Variants in DYM observed in about 807,000 individuals in gnomAD.
DYM encodes dymeclin, also known as dyggve-Melchior-Clausen syndrome protein.
In DYM, 78 loss-of-function variants were observed where a neutral mutation model predicts 93.1. The observed-to-expected ratio is 0.84, with a 90% CI of 0.70 to 1.01. The LOEUF (loss-of-function observed/expected upper bound fraction) is 1.01. Among genes scored for constraint, DYM ranks in the 50% least tolerant of loss-of-function variants. The pLI is 0.00. For synonymous variants in DYM, 321 were observed against 319.7 expected (o/e 1.00, Z -0.04); for missense variants, 789 against 845.0 (o/e 0.93, Z 0.82).
At chr18:49,260,906 C>A (rs1200787940) in intron 11 of DYM, among the ~76,000 whole-genome samples, 1 of 151,352 alleles carries the variant, frequency 6.6e-6, no homozygotes, top group Non-Finnish European at 1.5e-5. Context: ...TTTAGCTGCC[C>A]CTCCTCAACA....
intron 15 of DYM, among the ~76,000 whole-genome samples, chr18:49,155,281 T>C (rs1424610708): frequency 6.6e-6 from 1 of 152,240 alleles, no homozygotes. Context: ...CTTTGTGCCA[T>C]AATGCTAGCC....
At chr18:49,337,773 G>A (rs1159472995) in intron 6 of DYM, among the ~76,000 whole-genome samples, 1 of 152,210 alleles carries the variant, frequency 6.6e-6, no homozygotes, top group African/African-American at 2.4e-5. Flanking sequence ...GGAACACAGA[G>A]ATAACAGCAA....
chr18:49,353,483 T>A (rs2147202017), intron 6 of DYM, among the ~76,000 whole-genome samples: 1 of 152,128 alleles, frequency 6.6e-6, no homozygotes, highest in South Asian at 2.1e-4. Flanking sequence ...GTAGTATCTT[T>A]AATTTACAAA....
intron 12 of DYM, among the ~76,000 whole-genome samples, chr18:49,257,562 G>A (rs901725664): frequency 2.6e-5 from 4 of 152,278 alleles, no homozygotes; most frequent in Non-Finnish European, 4.4e-5. Context: ...TGGGCTGGGA[G>A]TAGGGGCTCA....
intron 4 of DYM, 76 bp downstream of exon 4, chr18:49,379,589 C>G: frequency 8.3e-7 from 1 of 1,207,296 alleles, no homozygotes; most frequent in South Asian, 1.2e-5. Context: ...GACCACAGTC[C>G]ATTTCCATCA....
At chr18:49,117,837 C>G (rs1355645074) in intron 16 of DYM, among the ~76,000 whole-genome samples, 1 of 152,030 alleles carries the variant, frequency 6.6e-6, no homozygotes, top group Non-Finnish European at 1.5e-5. Context: ...TCTTTGTTTA[C>G]TACTTTGTGT....
At chr18:49,256,050 C>T (rs1184869434) in intron 13 of DYM, among the ~76,000 whole-genome samples, 1 of 144,202 alleles carries the variant, frequency 6.9e-6, no homozygotes, top group Admixed American at 7.1e-5. Context: ...CACCACGGCA[C>T]TCCATCCTGG....
intron 16 of DYM, among the ~76,000 whole-genome samples, chr18:49,106,031 G>C (rs1033378805): frequency 7.9e-5 from 12 of 152,148 alleles, no homozygotes; most frequent in South Asian, 2.1e-4. Context: ...CATTATTATT[G>C]TGTGGGAGTC....
intron 9 of DYM, among the ~76,000 whole-genome samples, chr18:49,285,566 A>G (rs1599124215): frequency 6.6e-6 from 1 of 152,258 alleles, no homozygotes; most frequent in Non-Finnish European, 1.5e-5. Flanking sequence ...AACTGACTAC[A>G]GCATTCAGTA....
intron 14 of DYM, among the ~76,000 whole-genome samples, chr18:49,182,930 C>T (rs553882033): frequency 6.6e-6 from 1 of 152,292 alleles, no homozygotes; most frequent in South Asian, 2.1e-4. Flanking sequence ...GTCTCTGTTA[C>T]TCTATCTTGG....
intron 6 of DYM, among the ~76,000 whole-genome samples, chr18:49,335,811 TC>T (rs935484270): frequency 2.2e-5 from 3 of 133,712 alleles, no homozygotes; most frequent in African/African-American, 7.8e-5. Flanking sequence ...ACGTTTTCTG[TC>T]TTTTTTTTTT....
intron 8 of DYM, among the ~76,000 whole-genome samples, chr18:49,324,353 T>A (rs767176211): frequency 6.6e-6 from 1 of 152,204 alleles, no homozygotes; most frequent in East Asian, 1.9e-4. Flanking sequence ...AATCTTTAAT[T>A]GGCAAATTTT....
At chr18:49,381,168 AT>A (rs1219591414) in intron 3 of DYM, among the ~76,000 whole-genome samples, 1 of 151,934 alleles carries the variant, frequency 6.6e-6, no homozygotes, top group East Asian at 1.9e-4. Context: ...AGCTAATTGT[AT>A]TTTTTGTAGA....
intron 1 of DYM, among the ~76,000 whole-genome samples, chr18:49,434,282 G>C (rs1343543653): frequency 6.6e-6 from 1 of 151,814 alleles, no homozygotes; most frequent in Non-Finnish European, 1.5e-5. Context: ...GGGAGGTGGA[G>C]GTTGCAGTGA....
At chr18:49,254,564 T>C (rs2145072604) in intron 13 of DYM, among the ~76,000 whole-genome samples, 1 of 151,990 alleles carries the variant, frequency 6.6e-6, no homozygotes, top group South Asian at 2.1e-4. Context: ...TCAAATATGA[T>C]TGGTTTATTT....
At position 49,276,100 on chromosome 18, in the gene DYM, TA is replaced by T. The variant is rs2094841119; in HGVS notation, c.1126-3798del. Among the ~76,000 whole-genome samples, 3 of 152,104 alleles carry T rather than the reference TA, an allele frequency of 2.0e-5. No homozygotes were observed. The East Asian group carries it at 5.8e-4, about 29-fold the overall frequency. On this transcript the variant is annotated intron_variant, in intron 10 of 17. Coordinates refer to ENST00000675505, the MANE Select transcript of DYM (RefSeq NM_001353214.3). ...CAAATGCCCAGGCTAGAATCTCCAG[TA>T]AAATGTTGAATGAAATGGCAAAAGC...
At chr18:49,407,027 C>T (rs1263602824) in intron 2 of DYM, among the ~76,000 whole-genome samples, 1 of 152,156 alleles carries the variant, frequency 6.6e-6, no homozygotes, top group Non-Finnish European at 1.5e-5. Flanking sequence ...AAGGAATGAA[C>T]AAGTGAGATC....
intron 17 of DYM, among the ~76,000 whole-genome samples, chr18:49,076,580 T>C (rs1304500110): frequency 1.3e-5 from 2 of 152,128 alleles, no homozygotes; most frequent in Non-Finnish European, 2.9e-5. Flanking sequence ...TGGGAAGAGG[T>C]GAATTGTACA....
intron 15 of DYM, among the ~76,000 whole-genome samples, chr18:49,133,976 A>C (rs1273360327): frequency 2.0e-5 from 3 of 152,236 alleles, no homozygotes; most frequent in Non-Finnish European, 2.9e-5. Flanking sequence ...ATTATAGTAC[A>C]TCTGGACAAA....
Sources: allele counts gnomAD v4.1 joint callset (sites outside exome capture counted in the v4.1 genomes callset), GRCh38; gene constraint gnomAD v4.1.1; transcripts MANE v1.5; gene names NCBI Gene and HGNC (gene_info 2026-07-23, HGNC 2026-07-21).